The following TCF7L1 variants were observed in gnomAD, a reference collection of about 807,000 sequenced individuals.
TCF7L1 encodes transcription factor 7 like 1.
A neutral mutation model predicts 63.7 loss-of-function variants in TCF7L1; 18 were observed. That is an observed-to-expected ratio of 0.28 (90% CI 0.20 to 0.42). The LOEUF (loss-of-function observed/expected upper bound fraction) is 0.42. Ranked by LOEUF, TCF7L1 falls within the 10% of genes least tolerant of loss-of-function variation. TCF7L1 has a pLI of 1.00. For missense variants in TCF7L1, 654 were observed against 779.3 expected, an observed-to-expected ratio of 0.84 and a Z score of 1.91; for synonymous variants, 355 against 340.9, an observed-to-expected ratio of 1.04 and a Z score of -0.46.
intron 4 of TCF7L1, among the ~76,000 whole-genome samples, chr2:85,297,862 C>T (rs1400421413): frequency 6.6e-6 from 1 of 152,018 alleles, no homozygotes; most frequent in Non-Finnish European, 1.5e-5. Context: ...CTCACCCCCT[C>T]TATATTTCTT....
intron 3 of TCF7L1, among the ~76,000 whole-genome samples, chr2:85,265,925 A>G (rs1186396379): frequency 6.6e-6 from 1 of 152,194 alleles, no homozygotes; most frequent in Non-Finnish European, 1.5e-5. Context: ...ATTAAGTTCA[A>G]CTCACCTCTT....
intron 3 of TCF7L1, among the ~76,000 whole-genome samples, chr2:85,174,464 C>T (rs564464296): frequency 6.6e-5 from 10 of 152,270 alleles, no homozygotes; most frequent in South Asian, 2.1e-4. Context: ...GGGGTTTCCT[C>T]GCTTCCAAAA....
At chr2:85,195,837 A>G (rs1043593610) in intron 3 of TCF7L1, among the ~76,000 whole-genome samples, 6 of 152,050 alleles carry the variant, frequency 3.9e-5, no homozygotes, top group South Asian at 2.1e-4. Context: ...GTGAGCCACC[A>G]TACCTGGCCC....
intron 5 of TCF7L1, 100 bp from the exon 6 acceptor site, chr2:85,303,795 A>G: frequency 2.3e-6 from 2 of 878,514 alleles, no homozygotes; most frequent in Non-Finnish European, 3.6e-6. Context: ...GCTAGGCTCC[A>G]GAGCACCAGG....
intron 3 of TCF7L1, among the ~76,000 whole-genome samples, chr2:85,192,282 C>T (rs561244392): frequency 3.5e-4 from 54 of 152,310 alleles, no homozygotes; most frequent in African/African-American, 1.3e-3. Context: ...AGTCAGCTAC[C>T]GCCCCTCTCC....
chr2:85,269,857 G>A (rs1421313918), intron 3 of TCF7L1, among the ~76,000 whole-genome samples: 1 of 152,190 alleles, frequency 6.6e-6, no homozygotes, highest in Non-Finnish European at 1.5e-5. Context: ...AGTGTAGGGT[G>A]CAGGACCCCT....
At chr2:85,147,211 T>C (rs1301070713) in intron 3 of TCF7L1, among the ~76,000 whole-genome samples, 1 of 152,206 alleles carries the variant, frequency 6.6e-6, no homozygotes, top group African/African-American at 2.4e-5. Flanking sequence ...AACCCTGCAG[T>C]CTGCCTAGGC....
intron 3 of TCF7L1, among the ~76,000 whole-genome samples, chr2:85,191,519 T>G (rs145362813): frequency 1.3e-3 from 201 of 152,336 alleles, no homozygotes; most frequent in African/African-American, 4.7e-3. Flanking sequence ...TCTGTACTAC[T>G]CTGTTTAGTG....
chr2:85,289,955 C>T (rs562683315), intron 4 of TCF7L1, among the ~76,000 whole-genome samples: 59 of 138,598 alleles, frequency 4.3e-4, no homozygotes, highest in African/African-American at 8.9e-4. Context: ...ATTACAGGCA[C>T]GAGCCACCAC....
chr2:85,165,876 T>C lies in TCF7L1; in HGVS notation c.441+31426T>C, dbSNP rs1396196305. On this transcript the variant is annotated intron_variant, in intron 3 of 11. Coordinates refer to ENST00000282111, the MANE Select transcript of TCF7L1 (RefSeq NM_031283.3). ...AATATCAAAACTAGAACATCAACAC[T>C]GACACATTACTGTTAACTAGACTAC... 2.0e-5 allele frequency among the ~76,000 whole-genome samples: 3 copies of C among 152,182 alleles called. No homozygotes were observed. The East Asian group carries it at 5.8e-4, about 29-fold the overall frequency.
rs1402673750 is a variant in TCF7L1, at chr2:85,134,246, T to C, written c.314-77T>C. ...CGTGGGGGGCGCTGGGGTCCCCAGC[T>C]CCCGCCTCGAGCCCCCTGCCGCGGC... On this transcript the variant is annotated intron_variant, in intron 2 of 11. Transcript: ENST00000282111. The surrounding 1 kb of genome is among the most constrained non-coding windows in gnomAD (Gnocchi z 5.0). The C allele has an allele frequency of 6.7e-7, 1 of 1,482,270 alleles. No homozygotes were observed. The highest frequency in any genetic ancestry group is 1.4e-5 in the African/African-American group (1 of 69,982). 91.8% of individuals were successfully genotyped at this position (1,482,270 alleles called of 1,614,324 possible).
chr2:85,137,907 A>G (rs1372636851), intron 3 of TCF7L1, among the ~76,000 whole-genome samples: 1 of 151,306 alleles, frequency 6.6e-6, no homozygotes, highest in African/African-American at 2.4e-5. Flanking sequence ...AAAAAAAAAA[A>G]AAGAAAGAAA....
chr2:85,219,407 G>C (rs1044353382), intron 3 of TCF7L1, among the ~76,000 whole-genome samples: 16 of 152,152 alleles, frequency 1.1e-4, no homozygotes, highest in African/African-American at 3.9e-4. Flanking sequence ...GAGCACAAGG[G>C]ACATGAACAA....
At chr2:85,200,519 G>C (rs1411996146) in intron 3 of TCF7L1, among the ~76,000 whole-genome samples, 1 of 152,180 alleles carries the variant, frequency 6.6e-6, no homozygotes, top group Non-Finnish European at 1.5e-5. Context: ...CTGTCTACAA[G>C]AGGAATTGTT....
chr2:85,173,378 G>A (rs2104239431), intron 3 of TCF7L1, among the ~76,000 whole-genome samples: 1 of 152,258 alleles, frequency 6.6e-6, no homozygotes. Flanking sequence ...GCCTGACAGG[G>A]AGCACTGGAG....
chr2:85,164,860 G>A (rs2104226221), intron 3 of TCF7L1, among the ~76,000 whole-genome samples: 2 of 152,250 alleles, frequency 1.3e-5, no homozygotes, highest in South Asian at 4.2e-4. Flanking sequence ...TAAATGTCTT[G>A]ATATACTGTT....
chr2:85,303,730 C>G (rs1395229772), intron 5 of TCF7L1, 165 bp from the exon 6 acceptor site: 3 of 545,918 alleles, frequency 5.5e-6, no homozygotes, highest in Non-Finnish European at 6.6e-6. Context: ...CCTTGACTGA[C>G]TGGTGAGAGC....
chr2:85,303,986 G>T lies in TCF7L1; in HGVS notation c.750G>T (p.Trp250Cys). The T allele has an allele frequency of 6.2e-7, 1 of 1,601,116 alleles. No homozygotes were observed. The highest frequency in any genetic ancestry group is 8.5e-7 in the Non-Finnish European group (1 of 1,174,056). The change falls in exon 6 of 12, where the codon TGG becomes TGT. Residue 250 changes from tryptophan (W) to cysteine (C), a missense_variant. Coordinates refer to ENST00000282111, the MANE Select transcript of TCF7L1 (RefSeq NM_031283.3). ...GACAAATCCCCCACCCCCTCGGCTG[G>T]CTCGTCCCACAGTAAGGAACCCACA... ...AVGQIPHPLG[W>C]LVPQQGQPMY...
At position 85,283,525 on chromosome 2, in the gene TCF7L1, G is replaced by A. The variant is rs202139542; in HGVS notation, c.472G>A (p.Val158Ile). The change falls in exon 4 of 12, where the codon GTC becomes ATC. Residue 158 changes from valine (V) to isoleucine (I), a missense_variant. Around this residue, in one of 3 missense-constraint regions of TCF7L1, gnomAD observed 404 missense variants for 454.8 expected, o/e 0.89. Transcript: ENST00000282111. ...YLQMKWPLLD[V>I]PSSATVKDTR... Reference sequence around the variant, plus strand: ...GCAGATGAAATGGCCCCTCCTCGATGTCCCCTCCAGCGCCACAGTCAAGGA... The same window carrying A: ...GCAGATGAAATGGCCCCTCCTCGATATCCCCTCCAGCGCCACAGTCAAGGA... 6 of 1,614,034 alleles carry A rather than the reference G, an allele frequency of 3.7e-6. No individual in the cohort carries two copies. Among genetic ancestry groups the A allele is most frequent in the East Asian group, 2.2e-5 (1 of 44,872 alleles).
Sources: allele counts gnomAD v4.1 joint callset (sites outside exome capture counted in the v4.1 genomes callset), GRCh38; gene constraint gnomAD v4.1.1; regional missense constraint gnomAD v4.1.1; non-coding constraint Gnocchi (gnomAD v3.1); transcripts MANE v1.5; gene names NCBI Gene and HGNC (gene_info 2026-07-23, HGNC 2026-07-21).